Variants in RNF217 observed in about 807,000 individuals in gnomAD.
RNF217 encodes the protein E3 ubiquitin-protein ligase RNF217.
In RNF217, 31 loss-of-function variants were observed where a neutral mutation model predicts 57.8. That is an observed-to-expected ratio of 0.54 (90% CI 0.40 to 0.72). The LOEUF is 0.72. Ranked by LOEUF, RNF217 falls within the 30% of genes least tolerant of loss-of-function variation. The pLI is 0.00. For missense variants in RNF217, 696 were observed against 708.3 expected (o/e 0.98, Z 0.20); for synonymous variants, 313 against 294.0 (o/e 1.06, Z -0.66).
chr6:125,019,252 C>T (rs933850865), intron 1 of RNF217, among the ~76,000 whole-genome samples: 5 of 152,118 alleles, frequency 3.3e-5, no homozygotes, highest in African/African-American at 4.8e-5. Flanking sequence ...GTTTTTCAAT[C>T]GTAGCTATTT....
At chr6:124,983,474 C>T (rs779587363) in intron 1 of RNF217, 49 of 984,490 alleles carry the variant, frequency 5.0e-5, no homozygotes, top group Non-Finnish European at 5.7e-5. Context: ...GGATTTATGT[C>T]CTCACTTGTC....
intron 3 of RNF217, among the ~76,000 whole-genome samples, chr6:125,060,435 T>A (rs1333430879): frequency 6.6e-6 from 1 of 152,126 alleles, no homozygotes; most frequent in East Asian, 1.9e-4. Context: ...ATAATTTTAG[T>A]AAATATTGTT....
At chr6:124,998,053 A>G (rs761640680) in intron 1 of RNF217, among the ~76,000 whole-genome samples, 4 of 152,120 alleles carry the variant, frequency 2.6e-5, no homozygotes, top group Non-Finnish European at 5.9e-5. Context: ...CTCAGATTAT[A>G]TATGTTCAGA....
chr6:125,000,657 G>C (rs1450123677), intron 1 of RNF217, among the ~76,000 whole-genome samples: 1 of 151,816 alleles, frequency 6.6e-6, no homozygotes, highest in East Asian at 1.9e-4. Context: ...GAGAAATAGA[G>C]ACCCTAGAAT....
At chr6:125,045,515 G>A (rs878900745) in intron 2 of RNF217, 71 bp downstream of exon 2, 75 of 1,167,892 alleles carry the variant, frequency 6.4e-5, no homozygotes, top group East Asian at 5.2e-4. Flanking sequence ...TCCACTTGTC[G>A]TGGGCATTAA....
intron 1 of RNF217, among the ~76,000 whole-genome samples, chr6:125,037,904 C>A (rs11751639): frequency 0.016 from 2,466 of 152,262 alleles, 26 homozygotes; most frequent in South Asian, 0.033. Flanking sequence ...CCAACACTTA[C>A]AACCATGATC....
Position 125,092,576 on chromosome 6 carries a change from G to C in RNF217, c.*9639G>C, listed in dbSNP as rs1466214189. On this transcript the variant is annotated 3_prime_UTR_variant, in exon 6 of 6. Transcript: ENST00000521654. ...GAGTGCTGTTTACCACATGATGTGTGCAATACATCATGCAATGTTATTTAG... is the reference window on the plus strand; with the variant it reads ...GAGTGCTGTTTACCACATGATGTGTCCAATACATCATGCAATGTTATTTAG... The C allele has an allele frequency of 6.6e-6, 1 of 152,144 alleles. No individual in the cohort carries two copies. Among genetic ancestry groups the C allele is most frequent in the Non-Finnish European group, 1.5e-5 (1 of 68,032 alleles). The allele number at this position is 152,144 out of a possible 1,614,324, so 9.4% of individuals were successfully genotyped here.
chr6:125,070,174 A>G (rs530425816), intron 3 of RNF217, among the ~76,000 whole-genome samples: 2 of 152,296 alleles, frequency 1.3e-5, no homozygotes, highest in South Asian at 2.1e-4. Context: ...TTTCTGCAAA[A>G]GACATTATTT....
Position 125,044,035 on chromosome 6 carries a change from T to A in RNF217, c.883-1176T>A, listed in dbSNP as rs1786989734. Among the ~76,000 whole-genome samples the A allele has an allele frequency of 7.3e-5, 11 of 150,286 alleles. No homozygotes were observed. In the South Asian group the frequency reaches 2.1e-3, roughly 29 times the overall value. On this transcript the variant is annotated intron_variant, in intron 1 of 5. Coordinates refer to ENST00000521654, the MANE Select transcript of RNF217 (RefSeq NM_001286398.3). ...CAAGTTTGTGCCAGATAAATAGCAA[T>A]GTTAAAAGTTACTATGAATTTAGTT... is the stretch of plus-strand genomic sequence containing the variant.
chr6:125,071,383 C>T (rs1161660236), intron 3 of RNF217, among the ~76,000 whole-genome samples: 2 of 151,950 alleles, frequency 1.3e-5, no homozygotes, highest in African/African-American at 4.8e-5. Context: ...ACTGGGTTGC[C>T]AGCATTTTTT....
intron 1 of RNF217, among the ~76,000 whole-genome samples, chr6:125,013,018 T>C (rs1353646924): frequency 6.6e-6 from 1 of 152,192 alleles, no homozygotes; most frequent in Non-Finnish European, 1.5e-5. Flanking sequence ...TCTATCTTGA[T>C]TCTTCTTCAA....
chr6:125,075,111 T>A (rs1167251383), intron 3 of RNF217, among the ~76,000 whole-genome samples: 1 of 152,206 alleles, frequency 6.6e-6, no homozygotes, highest in Non-Finnish European at 1.5e-5. Context: ...AGCCCAACAC[T>A]AATTTGTAAA....
chr6:125,075,277 T>C (rs1788318362), intron 3 of RNF217, among the ~76,000 whole-genome samples: 1 of 152,120 alleles, frequency 6.6e-6, no homozygotes, highest in African/African-American at 2.4e-5. Flanking sequence ...TAGTAGACTA[T>C]TTTTAGGAGG....
intron 1 of RNF217, among the ~76,000 whole-genome samples, chr6:125,015,377 G>A (rs544332609): frequency 4.6e-5 from 7 of 151,902 alleles, no homozygotes; most frequent in African/African-American, 1.5e-4. Context: ...GTTTTTCTAC[G>A]AAAATAATCA....
At chr6:125,073,520 T>G (rs1321288675) in intron 3 of RNF217, among the ~76,000 whole-genome samples, 1 of 152,156 alleles carries the variant, frequency 6.6e-6, no homozygotes, top group South Asian at 2.1e-4. Flanking sequence ...TGGTCTGTCA[T>G]GTAAAAGGAA....
intron 1 of RNF217, among the ~76,000 whole-genome samples, chr6:124,993,179 G>A (rs1031628147): frequency 1.3e-5 from 2 of 152,092 alleles, no homozygotes; most frequent in Admixed American, 1.3e-4. Context: ...TATCAGAAAC[G>A]CATGAGGCAT....
intron 1 of RNF217, among the ~76,000 whole-genome samples, chr6:125,027,076 G>A (rs574114610): frequency 5.5e-4 from 83 of 151,990 alleles, no homozygotes; most frequent in Non-Finnish European, 9.9e-4. Flanking sequence ...CTGTTTTGAT[G>A]TAAGCATGCA....
intron 1 of RNF217, among the ~76,000 whole-genome samples, chr6:125,022,504 T>A (rs1442805108): frequency 2.6e-5 from 4 of 152,190 alleles, no homozygotes. Context: ...CTGCCCTTTT[T>A]CTTTCAATTA....
Position 125,089,777 on chromosome 6 carries a change from C to G in RNF217, c.*6840C>G, listed in dbSNP as rs929749190. On this transcript the variant is annotated 3_prime_UTR_variant, in exon 6 of 6. Transcript: ENST00000521654. ...GCGAATCTGTGATGTGTTCACTTCG[C>G]CATGCCCCAGCTTGGGAAATATTCT... The G allele has an allele frequency of 3.3e-5, 5 of 152,108 alleles. No homozygotes were observed. Among genetic ancestry groups the G allele is most frequent in the South Asian group, 2.1e-4 (1 of 4,826 alleles). 9.4% of individuals were successfully genotyped at this position (152,108 alleles called of 1,614,324 possible).
Sources: gnomAD v4.1 joint callset for allele counts (sites outside exome capture counted in the v4.1 genomes callset) on GRCh38, gnomAD v4.1.1 for gene constraint, MANE v1.5 for transcripts, NCBI Gene and HGNC (gene_info 2026-07-23, HGNC 2026-07-21) for gene names.